PPP1R9A: variants seen among roughly 807,000 people sequenced by gnomAD.
The protein encoded by PPP1R9A is neurabin-1.
In PPP1R9A, 59 loss-of-function variants were observed where a neutral mutation model predicts 141.9. That is an observed-to-expected ratio of 0.42 (90% CI 0.34 to 0.52). The LOEUF (loss-of-function observed/expected upper bound fraction) is 0.52. Ranked by LOEUF, PPP1R9A falls within the 20% of genes least tolerant of loss-of-function variation. PPP1R9A has a pLI of 0.10. For synonymous variants in PPP1R9A, 500 were observed against 569.7 expected, an observed-to-expected ratio of 0.88 and a Z score of 1.74; for missense variants, 1,444 against 1,611.9, an observed-to-expected ratio of 0.90 and a Z score of 1.78.
intron 2 of PPP1R9A, among the ~76,000 whole-genome samples, chr7:95,056,458 T>C (rs1811515373): frequency 1.3e-5 from 2 of 152,134 alleles, no homozygotes; most frequent in Non-Finnish European, 2.9e-5. Context: ...TTTCTTGTAG[T>C]ACTGGTTACT....
At chr7:94,925,814 GATATTA>G (rs1793408675) in intron 2 of PPP1R9A, among the ~76,000 whole-genome samples, 2 of 151,846 alleles carry the variant, frequency 1.3e-5, no homozygotes, top group East Asian at 1.9e-4. Flanking sequence ...AAGTTGGGAT[GATATTA>G]ATATTATTAT....
At chr7:95,207,245 GAAAATAAAT>G (rs1791017551) in intron 7 of PPP1R9A, among the ~76,000 whole-genome samples, 1 of 151,854 alleles carries the variant, frequency 6.6e-6, no homozygotes. Context: ...AGAGAAGAAA[GAAAATAAAT>G]ATAAGGTCAA....
intron 2 of PPP1R9A, among the ~76,000 whole-genome samples, chr7:95,019,895 T>G (rs1035081146): frequency 1.3e-5 from 2 of 152,126 alleles, no homozygotes. Context: ...ATACAGAAAT[T>G]TGTACATGAA....
chr7:95,238,074 ATC>A (rs1796953817), intron 8 of PPP1R9A, among the ~76,000 whole-genome samples: 1 of 152,174 alleles, frequency 6.6e-6, no homozygotes, highest in Non-Finnish European at 1.5e-5. Flanking sequence ...GCAGATCAAT[ATC>A]TATGTCTTTA....
chr7:94,983,816 T>C (rs909007339), intron 2 of PPP1R9A, among the ~76,000 whole-genome samples: 1 of 152,078 alleles, frequency 6.6e-6, no homozygotes. Context: ...ATCGAATACC[T>C]TTTATTTCTT....
intron 5 of PPP1R9A, among the ~76,000 whole-genome samples, chr7:95,189,321 G>A (rs1393519068): frequency 6.6e-6 from 1 of 151,828 alleles, no homozygotes; most frequent in Non-Finnish European, 1.5e-5. Context: ...TTATTTCCCA[G>A]GTGTTCTTTG....
intron 12 of PPP1R9A, among the ~76,000 whole-genome samples, chr7:95,253,049 C>T (rs537536172): frequency 1.3e-5 from 2 of 152,232 alleles, no homozygotes; most frequent in South Asian, 2.1e-4. Flanking sequence ...TTAGATTGCA[C>T]GTGTATGAAC....
At chr7:95,096,440 C>A (rs1473579775) in intron 2 of PPP1R9A, among the ~76,000 whole-genome samples, 1 of 152,102 alleles carries the variant, frequency 6.6e-6, no homozygotes, top group Non-Finnish European at 1.5e-5. Flanking sequence ...GACTGGCCCC[C>A]CTCACCAGGA....
At chr7:95,209,555 A>G (rs1791634937) in intron 7 of PPP1R9A, among the ~76,000 whole-genome samples, 2 of 152,238 alleles carry the variant, frequency 1.3e-5, no homozygotes, top group Admixed American at 1.3e-4. Flanking sequence ...ACAAACCACA[A>G]GTCAGCCATG....
At chr7:95,162,047 A>C in intron 5 of PPP1R9A, 76 bp downstream of exon 5, 3 of 851,768 alleles carry the variant, frequency 3.5e-6, no homozygotes, top group Non-Finnish European at 5.3e-6. Context: ...TAACCTGCAA[A>C]TAAATGTAAT....
At chr7:95,215,664 C>T (rs1352351772) in intron 7 of PPP1R9A, among the ~76,000 whole-genome samples, 1 of 152,222 alleles carries the variant, frequency 6.6e-6, no homozygotes. Context: ...GATCGCCATT[C>T]TAACTGGCAT....
At chr7:95,247,667 C>T (rs1473902973) in intron 9 of PPP1R9A, 141 bp downstream of exon 9, 21 of 640,594 alleles carry the variant, frequency 3.3e-5, no homozygotes, top group Middle Eastern at 4.6e-4. Flanking sequence ...CTGTCAGGTA[C>T]GTAGACAAAC....
At chr7:95,007,787 C>A (rs951606150) in intron 2 of PPP1R9A, among the ~76,000 whole-genome samples, 9 of 151,964 alleles carry the variant, frequency 5.9e-5, no homozygotes, top group African/African-American at 2.2e-4. Context: ...AGAAACGAAG[C>A]TTTGTCAGGC....
Position 95,012,926 on chromosome 7 carries a change from G to C in PPP1R9A, c.1396-98333G>C, listed in dbSNP as rs1259784387. Among the ~76,000 whole-genome samples, 7 of 152,154 alleles carry C rather than the reference G, an allele frequency of 4.6e-5. No homozygotes were observed. In the East Asian group the frequency reaches 1.3e-3, roughly 29 times the overall value. On this transcript the variant is annotated intron_variant, in intron 2 of 19. Transcript: ENST00000433360. ...TTTGTCTAGATTATTATTGTAAAGA[G>C]GGGATTAATTTACTAGCGGGATGGG...
chr7:95,102,001 C>T (rs1209997376), intron 2 of PPP1R9A, among the ~76,000 whole-genome samples: 1 of 152,086 alleles, frequency 6.6e-6, no homozygotes, highest in Non-Finnish European at 1.5e-5. Context: ...CCTCTCCTTG[C>T]AAAAGTAGCT....
At chr7:95,100,374 A>G (rs1021611487) in intron 2 of PPP1R9A, among the ~76,000 whole-genome samples, 2 of 152,206 alleles carry the variant, frequency 1.3e-5, no homozygotes, top group Admixed American at 6.5e-5. Context: ...ACTTTTGTAT[A>G]TGTTTGAATA....
intron 5 of PPP1R9A, among the ~76,000 whole-genome samples, chr7:95,173,933 ACAAC>A (rs1372517639): frequency 6.6e-6 from 1 of 152,074 alleles, no homozygotes; most frequent in Non-Finnish European, 1.5e-5. Flanking sequence ...GCAAAATAGC[ACAAC>A]CACTTTGCAG....
intron 6 of PPP1R9A, among the ~76,000 whole-genome samples, chr7:95,200,578 C>T (rs151149127): frequency 7.2e-5 from 11 of 152,144 alleles, no homozygotes; most frequent in African/African-American, 2.4e-4. Context: ...CCCTACCTGG[C>T]CCAGATTTTT....
chr7:95,088,046 G>C (rs115592737), intron 2 of PPP1R9A, among the ~76,000 whole-genome samples: 4,162 of 151,976 alleles, frequency 0.027, 250 homozygotes, highest in African/African-American at 0.095. Flanking sequence ...ATAAAATCTT[G>C]CAAGATACAC....
Sources: gnomAD v4.1 joint callset for allele counts (sites outside exome capture counted in the v4.1 genomes callset) on GRCh38, gnomAD v4.1.1 for gene constraint, MANE v1.5 for transcripts, NCBI Gene and HGNC (gene_info 2026-07-23, HGNC 2026-07-21) for gene names.